Variants in SMIM41 observed in about 807,000 individuals in gnomAD.
SMIM41 encodes the protein small integral membrane protein 41.
chr12:52,087,045 C>T (rs1350452305), intron 2 of SMIM41, among the ~76,000 whole-genome samples: 1 of 152,202 alleles, frequency 6.6e-6, no homozygotes, highest in Non-Finnish European at 1.5e-5. Context: ...CTCGCTGCAG[C>T]CAGCTCTCTC....
At chr12:52,095,280 C>T (rs1205858917) in intron 2 of SMIM41, among the ~76,000 whole-genome samples, 1 of 151,518 alleles carries the variant, frequency 6.6e-6, no homozygotes, top group African/African-American at 2.4e-5. Context: ...ACATCTCCCC[C>T]CTCTCCCCCA....
At chr12:52,084,614 G>A (rs927011259) in intron 2 of SMIM41, 1 of 152,502 alleles carries the variant, frequency 6.6e-6, no homozygotes, top group African/African-American at 2.4e-5. Flanking sequence ...CTGGCAAGAA[G>A]AGGGCAAGAG....
intron 2 of SMIM41, among the ~76,000 whole-genome samples, chr12:52,091,476 C>T: frequency 6.6e-6 from 1 of 152,204 alleles, no homozygotes; most frequent in East Asian, 1.9e-4. Context: ...ATAAATCTGG[C>T]TCAAGGTGGA....
chr12:52,102,009 G>A (rs780966745), intron 2 of SMIM41, among the ~76,000 whole-genome samples: 1 of 152,132 alleles, frequency 6.6e-6, no homozygotes, highest in Non-Finnish European at 1.5e-5. Flanking sequence ...AACTGCGCTC[G>A]GCCCATGCTG....
chr12:52,095,117 AAT>A (rs201616589), intron 2 of SMIM41, among the ~76,000 whole-genome samples: 189 of 151,610 alleles, frequency 1.2e-3, no homozygotes, highest in African/African-American at 4.3e-3. Context: ...ACTTAATTAA[AAT>A]TTTTTTTTTG....
At chr12:52,085,372 C>A (rs1939878319) in intron 2 of SMIM41, among the ~76,000 whole-genome samples, 1 of 152,200 alleles carries the variant, frequency 6.6e-6, no homozygotes, top group Non-Finnish European at 1.5e-5. Flanking sequence ...TGACAAGGCC[C>A]TGAACCTCTC....
Position 52,097,091 on chromosome 12 carries a change from C to T in SMIM41, c.*196-10288C>T, listed in dbSNP as rs534136797. 2.6e-5 allele frequency among the ~76,000 whole-genome samples: 4 copies of T among 152,146 alleles called. No individual in the cohort carries two copies. In the South Asian group the frequency reaches 8.3e-4, roughly 32 times the overall value. On this transcript the variant is annotated intron_variant, in intron 2 of 2. Coordinates refer to ENST00000546390, the MANE Select transcript of SMIM41 (RefSeq NM_001369216.1). Reference sequence around the variant, plus strand: ...CGTACACCACTCCTGTGATATTGTTCCTGATGTCCGGGGTAGAGAAAATGA... The same window carrying T: ...CGTACACCACTCCTGTGATATTGTTTCTGATGTCCGGGGTAGAGAAAATGA...
intron 2 of SMIM41, among the ~76,000 whole-genome samples, chr12:52,085,906 G>A (rs1939885547): frequency 6.6e-6 from 1 of 152,224 alleles, no homozygotes; most frequent in African/African-American, 2.4e-5. Flanking sequence ...CGGCTGATGA[G>A]CTCAGCTGTG....
chr12:52,096,556 T>C (rs1940098704), intron 2 of SMIM41, among the ~76,000 whole-genome samples: 1 of 151,732 alleles, frequency 6.6e-6, no homozygotes. Context: ...TAATTGATAA[T>C]AAAAAGTTTT....
intron 1 of SMIM41, chr12:52,082,184 A>T (rs2120646788): frequency 6.6e-6 from 1 of 152,410 alleles, no homozygotes; most frequent in Non-Finnish European, 1.5e-5. Context: ...GTGGAAAAAA[A>T]TCCAAGCGGT....
intron 2 of SMIM41, among the ~76,000 whole-genome samples, chr12:52,091,075 A>C (rs1271558604): frequency 6.6e-6 from 1 of 152,212 alleles, no homozygotes. Flanking sequence ...GCAGTGGCAC[A>C]ATCATGGCTC....
chr12:52,091,850 G>A (rs763362995), intron 2 of SMIM41, among the ~76,000 whole-genome samples: 1 of 152,212 alleles, frequency 6.6e-6, no homozygotes, highest in Non-Finnish European at 1.5e-5. Flanking sequence ...TTAGGGAAGT[G>A]TTAACAACAA....
Position 52,085,695 on chromosome 12 carries a change from A to T in SMIM41, c.*195+1727A>T, listed in dbSNP as rs182035786. ...CTAACCCTGAAACAGTACTACGCTG[A>T]GAGTATGGAATGTTCTAGATTTTGG... On this transcript the variant is annotated intron_variant, in intron 2 of 2. Coordinates refer to ENST00000546390, the MANE Select transcript of SMIM41 (RefSeq NM_001369216.1). Among the ~76,000 whole-genome samples, 49 of 108,440 alleles carry T rather than the reference A, an allele frequency of 4.5e-4. 1 individual carries two copies. The highest frequency in any genetic ancestry group is 4.2e-3 in the Admixed American group (49 of 11,752). 71.1% of individuals were successfully genotyped at this position (108,440 alleles called of 152,430 possible). A position where few individuals can be genotyped will look rare whatever the true frequency, so the allele number is the denominator to read the frequency against.
intron 2 of SMIM41, among the ~76,000 whole-genome samples, chr12:52,088,784 C>T (rs1232969592): frequency 6.6e-6 from 1 of 152,184 alleles, no homozygotes; most frequent in African/African-American, 2.4e-5. Context: ...CACACTCCCT[C>T]AATGTGGTGT....
At chr12:52,102,536 GA>G in intron 2 of SMIM41, among the ~76,000 whole-genome samples, 1 of 152,284 alleles carries the variant, frequency 6.6e-6, no homozygotes, top group East Asian at 1.9e-4. Context: ...TAAACAACAA[GA>G]AACCCAAAGC....
chr12:52,096,572 TATTAAC>T (rs1940099375), intron 2 of SMIM41, among the ~76,000 whole-genome samples: 1 of 151,780 alleles, frequency 6.6e-6, no homozygotes, highest in Non-Finnish European at 1.5e-5. Context: ...GTTTTTGGAT[TATTAAC>T]ATTAATAGTA....
At chr12:52,094,197 ATT>A (rs562390454) in intron 2 of SMIM41, among the ~76,000 whole-genome samples, 14 of 131,656 alleles carry the variant, frequency 1.1e-4, no homozygotes, top group African/African-American at 2.3e-4. Flanking sequence ...GAAGTTTTTG[ATT>A]TTTTTTTTTT....
chr12:52,098,897 G>T (rs1940159484), intron 2 of SMIM41, among the ~76,000 whole-genome samples: 1 of 151,866 alleles, frequency 6.6e-6, no homozygotes, highest in African/African-American at 2.4e-5. Flanking sequence ...ATTACAGGAG[G>T]GGTGTACACC....
intron 2 of SMIM41, among the ~76,000 whole-genome samples, chr12:52,089,579 C>A (rs1209851535): frequency 6.7e-6 from 1 of 149,926 alleles, no homozygotes; most frequent in African/African-American, 2.5e-5. Context: ...GGCAACAGAG[C>A]AAGACCCCCG....
Sources: allele counts gnomAD v4.1 joint callset (sites outside exome capture counted in the v4.1 genomes callset), GRCh38; gene constraint gnomAD v4.1.1; transcripts MANE v1.5; gene names NCBI Gene and HGNC (gene_info 2026-07-23, HGNC 2026-07-21).